PAK5: variants seen among roughly 807,000 people sequenced by gnomAD.
PAK5 encodes p21 (RAC1) activated kinase 5.
PAK5 carries 16 observed loss-of-function variants against 65.9 expected under a neutral mutation model. That is an observed-to-expected ratio of 0.24 (90% CI 0.16 to 0.37). The LOEUF is 0.37. PAK5 is among the 10% of genes least tolerant of loss of function. The probability of loss-of-function intolerance (pLI) is 1.00; values close to 1 mark genes in which losing one functional copy is unlikely to be tolerated. For synonymous variants in PAK5, 371 were observed against 354.9 expected, an observed-to-expected ratio of 1.05 and a Z score of -0.51; for missense variants, 785 against 903.9, an observed-to-expected ratio of 0.87 and a Z score of 1.69.
intron 1 of PAK5, among the ~76,000 whole-genome samples, chr20:9,749,061 T>C (rs1449992179): frequency 6.6e-6 from 1 of 152,166 alleles, no homozygotes; most frequent in Non-Finnish European, 1.5e-5. Flanking sequence ...AAACATATTT[T>C]AGTTTTTTAG....
intron 1 of PAK5, among the ~76,000 whole-genome samples, chr20:9,788,964 G>C (rs2049021759): frequency 6.6e-6 from 1 of 152,166 alleles, no homozygotes; most frequent in Non-Finnish European, 1.5e-5. Context: ...ATAAAGACCA[G>C]TCACTATCCA....
At chr20:9,551,393 A>G (rs537617017) in intron 7 of PAK5, among the ~76,000 whole-genome samples, 1 of 152,296 alleles carries the variant, frequency 6.6e-6, no homozygotes, top group East Asian at 1.9e-4. Context: ...CTTGTTACAC[A>G]AGGACCACAC....
At chr20:9,781,935 C>T (rs560431229) in intron 1 of PAK5, among the ~76,000 whole-genome samples, 13 of 152,188 alleles carry the variant, frequency 8.5e-5, no homozygotes, top group South Asian at 2.1e-4. Flanking sequence ...CGCAGCAGTC[C>T]GAATAATTTT....
intron 2 of PAK5, among the ~76,000 whole-genome samples, chr20:9,682,139 C>T (rs927482173): frequency 2.6e-5 from 4 of 152,220 alleles, no homozygotes; most frequent in African/African-American, 4.8e-5. Flanking sequence ...AGGCGGATCA[C>T]GAGGTCAGGA....
chr20:9,824,804 T>C (rs1280918300), intron 1 of PAK5, among the ~76,000 whole-genome samples: 1 of 152,214 alleles, frequency 6.6e-6, no homozygotes, highest in Non-Finnish European at 1.5e-5. Flanking sequence ...TATTATGCTG[T>C]TTCCTGTCTG....
In PAK5 at chr20:9,678,715, T is replaced by A. The variant is rs999796936; in HGVS notation, c.-12+32571A>T. Among the ~76,000 whole-genome samples the A allele has an allele frequency of 2.6e-5, 4 of 152,070 alleles. 1 individual carries two copies. The highest frequency in any genetic ancestry group is 9.7e-5 in the African/African-American group (4 of 41,398). ...GGAAGCAAACATGTCCTTCTTCACA[T>A]GGACAGAGAAGTGCCAAGCAAAAGG... On this transcript the variant is annotated intron_variant, in intron 2 of 9. Transcript: ENST00000353224.
chr20:9,822,169 G>A (rs13043661), intron 1 of PAK5, among the ~76,000 whole-genome samples: 9 of 151,662 alleles, frequency 5.9e-5, no homozygotes, highest in Non-Finnish European at 1.2e-4. Context: ...CATCTCTGTA[G>A]TCACAGCTTC....
intron 2 of PAK5, among the ~76,000 whole-genome samples, chr20:9,674,469 C>T (rs1244724310): frequency 3.3e-5 from 5 of 152,208 alleles, no homozygotes; most frequent in African/African-American, 1.2e-4. Context: ...AGGTACTTCC[C>T]TCTATAGATC....
At chr20:9,583,153 A>G (rs2123031253) in intron 3 of PAK5, among the ~76,000 whole-genome samples, 1 of 152,300 alleles carries the variant, frequency 6.6e-6, no homozygotes, top group South Asian at 2.1e-4. Context: ...ATGTTTGTAG[A>G]CTAACTCATG....
rs544165896 is a variant in PAK5 at position 9,702,843 on chromosome 20, G to T, written c.-12+8443C>A. Among the ~76,000 whole-genome samples, 55 of 152,256 alleles carry T rather than the reference G, an allele frequency of 3.6e-4. No individual in the cohort carries two copies. The South Asian group carries it at 0.01, about 29-fold the overall frequency. ...CACTAAGCACTGCTACTTAGCCTCT[G>T]TTGTTCTGGGCCTCATGATCCCAGC... On this transcript the variant is annotated intron_variant, in intron 2 of 9. Transcript: ENST00000353224.
At chr20:9,752,529 G>T (rs990021230) in intron 1 of PAK5, among the ~76,000 whole-genome samples, 63 of 152,132 alleles carry the variant, frequency 4.1e-4, no homozygotes, top group African/African-American at 1.5e-3. Context: ...TAGATTTAAC[G>T]ATATGATAAA....
chr20:9,549,015 A>G (rs1261592049), intron 7 of PAK5, among the ~76,000 whole-genome samples: 1 of 152,110 alleles, frequency 6.6e-6, no homozygotes, highest in African/African-American at 2.4e-5. Flanking sequence ...GAGGACTCAG[A>G]TCATAGAATT....
chr20:9,615,714 T>A (rs892213929), intron 3 of PAK5, among the ~76,000 whole-genome samples: 2 of 152,106 alleles, frequency 1.3e-5, no homozygotes, highest in Non-Finnish European at 2.9e-5. Flanking sequence ...GGTCAGGAAT[T>A]TTGGAAGGGC....
chr20:9,691,349 C>T lies in PAK5; in HGVS notation c.-12+19937G>A, dbSNP rs572714048. Among the ~76,000 whole-genome samples, 218 of 151,970 alleles carry T rather than the reference C, an allele frequency of 1.4e-3. 1 individual carries two copies. The highest frequency in any genetic ancestry group is 4.9e-3 in the African/African-American group (205 of 41,468). Reference sequence around the variant, plus strand: ...TGGGAGAGAGTGAGGAAAGGAAGAGCGAGGGTAAAGAAGAAAAGTTGTTAT... The same window carrying T: ...TGGGAGAGAGTGAGGAAAGGAAGAGTGAGGGTAAAGAAGAAAAGTTGTTAT... On this transcript the variant is annotated intron_variant, in intron 2 of 9. Transcript: ENST00000353224.
At chr20:9,563,136 G>A (rs2045618168) in intron 5 of PAK5, 112 bp from the exon 6 acceptor site, 8 of 955,348 alleles carry the variant, frequency 8.4e-6, no homozygotes, top group Non-Finnish European at 1.3e-5. Flanking sequence ...TGATTGTGGG[G>A]AAGTTTATTC....
At chr20:9,634,167 G>A (rs1259516043) in intron 3 of PAK5, among the ~76,000 whole-genome samples, 4 of 152,136 alleles carry the variant, frequency 2.6e-5, no homozygotes, top group Non-Finnish European at 4.4e-5. Context: ...CAGGATCATG[G>A]ACCATGAATC....
At chr20:9,545,594 C>A (rs1391264785) in intron 7 of PAK5, among the ~76,000 whole-genome samples, 1 of 152,094 alleles carries the variant, frequency 6.6e-6, no homozygotes, top group Non-Finnish European at 1.5e-5. Context: ...TCTGGCTCTA[C>A]CTCTGCCGCC....
intron 3 of PAK5, among the ~76,000 whole-genome samples, chr20:9,618,386 A>G (rs1032331074): frequency 6.6e-6 from 1 of 150,814 alleles, no homozygotes; most frequent in Non-Finnish European, 1.5e-5. Flanking sequence ...CACAGGACAG[A>G]CTATTACGGC....
intron 1 of PAK5, among the ~76,000 whole-genome samples, chr20:9,788,782 C>T: frequency 6.6e-6 from 1 of 152,142 alleles, no homozygotes; most frequent in East Asian, 1.9e-4. Context: ...TTCCAAGATT[C>T]AGCTTAATCC....
Sources: gnomAD v4.1 joint callset for allele counts (sites outside exome capture counted in the v4.1 genomes callset) on GRCh38, gnomAD v4.1.1 for gene constraint, MANE v1.5 for transcripts, NCBI Gene and HGNC (gene_info 2026-07-23, HGNC 2026-07-21) for gene names.